Variants in UNC13A observed in about 807,000 individuals in gnomAD.
The protein encoded by UNC13A is unc-13 homolog A, also known as protein unc-13 homolog A.
A neutral mutation model predicts 219.7 loss-of-function variants in UNC13A; 61 were observed. That is an observed-to-expected ratio of 0.28 (90% CI 0.23 to 0.34). The LOEUF is 0.34. Among genes scored for constraint, UNC13A ranks in the 10% least tolerant of loss-of-function variants. UNC13A has a pLI of 1.00. For missense variants in UNC13A, 1,476 were observed against 2,270.3 expected (o/e 0.65, Z 7.11); for synonymous variants, 920 against 884.6 (o/e 1.04, Z -0.71).
At chr19:17,658,319 A>C in intron 8 of UNC13A, 50 bp from the exon 9 acceptor site, 1 of 1,540,500 alleles carries the variant, frequency 6.5e-7, no homozygotes, top group Non-Finnish European at 8.9e-7. Context: ...GAGAGTGCAC[A>C]TGATGGGAGC....
intron 43 of UNC13A, among the ~76,000 whole-genome samples, chr19:17,607,926 C>T (rs539594847): frequency 1.4e-5 from 2 of 144,048 alleles, no homozygotes; most frequent in East Asian, 4.1e-4. Flanking sequence ...GTCGCCCAGG[C>T]TGGAGTGCCG....
At chr19:17,676,128 C>T (rs1248841729) in intron 1 of UNC13A, 87 bp from the exon 2 acceptor site, 17 of 1,350,616 alleles carry the variant, frequency 1.3e-5, no homozygotes, top group Non-Finnish European at 1.7e-5. Context: ...CAGAGACACA[C>T]CAAGATGGAG....
At position 17,626,689 on chromosome 19, in the gene UNC13A, G is replaced by A. The variant is rs373074850; in HGVS notation, c.4017C>T (p.Ser1339=). 2,216 of 1,596,118 alleles carry A rather than the reference G, an allele frequency of 1.4e-3. 55 individuals are homozygous for A. The South Asian group carries it at 0.024, about 17-fold the overall frequency. Reference sequence around the variant, plus strand: ...ACACATTGTCCGCGTCCTGGGCCACGCTGCTGCAGGCACTGGCTGGCACAT... The same window carrying A: ...ACACATTGTCCGCGTCCTGGGCCACACTGCTGCAGGCACTGGCTGGCACAT... ...TGNVPASACS[S]VAQDADNVLQ... is the part of the protein sequence containing the mutation. Residue 1339 remains serine, a synonymous_variant, in exon 34 of 44, where the codon AGC becomes AGT. Coordinates refer to ENST00000519716, the MANE Select transcript of UNC13A (RefSeq NM_001080421.3).
intron 4 of UNC13A, among the ~76,000 whole-genome samples, chr19:17,670,917 A>ATAAAATAAAATAAAATAAAAT (rs1363130555): frequency 6.5e-4 from 49 of 75,962 alleles, no homozygotes; most frequent in African/African-American, 2.5e-3. Flanking sequence ...GTAAAATAAA[A>ATAAAATAAAATAAAATAAAAT]TAAAATAAAA....
At position 17,656,485 on chromosome 19, in the gene UNC13A, G is replaced by A. The variant is rs904310217; in HGVS notation, c.768-87C>T. 2.4e-5 allele frequency: 31 copies of A among 1,299,200 alleles called. No individual in the cohort carries two copies. The African/African-American group carries it at 3.6e-4, about 15-fold the overall frequency. The allele number at this position is 1,299,200 out of a possible 1,614,324, so 80.5% of individuals were successfully genotyped here. On this transcript the variant is annotated intron_variant, in intron 9 of 43. Coordinates refer to ENST00000519716, the MANE Select transcript of UNC13A (RefSeq NM_001080421.3). ...GTCACACAGGCATTGACTCATCACCGACTGAGCACCTACGATGTGCCAGGT... is the reference window on the plus strand; with the variant it reads ...GTCACACAGGCATTGACTCATCACCAACTGAGCACCTACGATGTGCCAGGT...
chr19:17,685,318 G>GC, intron 1 of UNC13A, among the ~76,000 whole-genome samples: 1 of 152,128 alleles, frequency 6.6e-6, no homozygotes, highest in Admixed American at 6.5e-5. Flanking sequence ...AGCCTCCCGA[G>GC]TAGCTGAGAC....
chr19:17,627,998 C>A lies in UNC13A; in HGVS notation c.3754-58G>T, dbSNP rs2076801757. On this transcript the variant is annotated intron_variant, in intron 31 of 43. Transcript: ENST00000519716. The surrounding 1 kb of genome is among the most constrained non-coding windows in gnomAD (Gnocchi z 4.7). ...TCAGGACCTCTCCCCAGAGCCTCCC[C>A]TACCCACCGCCAGGGACCTTGGGAT... is the stretch of plus-strand genomic sequence containing the variant. 9 of 1,504,128 alleles carry A rather than the reference C, an allele frequency of 6.0e-6. No individual in the cohort carries two copies. Among genetic ancestry groups the A allele is most frequent in the Non-Finnish European group, 8.2e-6 (9 of 1,101,022 alleles). The allele number at this position is 1,504,128 out of a possible 1,614,324, so 93.2% of individuals were successfully genotyped here. A position where few individuals can be genotyped will look rare whatever the true frequency, so the allele number is the denominator to read the frequency against.
chr19:17,639,373 C>G, intron 24 of UNC13A, 63 bp downstream of exon 24: 1 of 1,578,344 alleles, frequency 6.3e-7, no homozygotes. Context: ...GTCACTTGTC[C>G]TGGGAGCTGG....
At chr19:17,643,980 A>G (rs904434077) in intron 19 of UNC13A, among the ~76,000 whole-genome samples, 1 of 151,956 alleles carries the variant, frequency 6.6e-6, no homozygotes, top group East Asian at 1.9e-4. Context: ...ATGTCCTCCA[A>G]TCTAAGAGGT....
chr19:17,617,841 G>A lies in UNC13A; in HGVS notation c.4419C>T (p.Phe1473=). The A allele has an allele frequency of 6.2e-7, 1 of 1,613,870 alleles. No individual in the cohort carries two copies. The change falls in exon 41 of 44, where the codon TTC becomes TTT. Residue 1473 remains phenylalanine (F), a synonymous_variant. Coordinates refer to ENST00000519716, the MANE Select transcript of UNC13A (RefSeq NM_001080421.3). ...TCTTGAGGCCCACGCCACCCGCGTG[G>A]AAATATTGCTGGGGAGGACAGGGTG... ...ELALDTIKQY[F]HAGGVGLKKT...
chr19:17,681,768 G>T (rs1439047535), intron 1 of UNC13A, among the ~76,000 whole-genome samples: 1 of 152,144 alleles, frequency 6.6e-6, no homozygotes, highest in Non-Finnish European at 1.5e-5. Context: ...TGTCCACGGT[G>T]CTGAATGCTC....
chr19:17,629,375 C>CTTA, intron 30 of UNC13A, 52 bp from the exon 31 acceptor site: 1 of 1,517,570 alleles, frequency 6.6e-7, no homozygotes, highest in Non-Finnish European at 9.0e-7. Flanking sequence ...CCAAGGCAGG[C>CTTA]GCCAGTCGTC....
intron 37 of UNC13A, among the ~76,000 whole-genome samples, chr19:17,620,964 G>A (rs1436285635): frequency 1.3e-5 from 2 of 152,088 alleles, no homozygotes; most frequent in Non-Finnish European, 2.9e-5. Context: ...GCTGGAAGCA[G>A]CCTCATCCCA....
In UNC13A at chr19:17,630,683, C is replaced by T. The variant is rs2076833542; in HGVS notation, c.3496G>A (p.Gly1166Ser). 5 of 1,613,896 alleles carry T rather than the reference C, an allele frequency of 3.1e-6. No homozygotes were observed. Among genetic ancestry groups the T allele is most frequent in the East Asian group, 2.2e-5 (1 of 44,860 alleles). The change falls in exon 29 of 44, where the codon GGT (glycine) becomes AGT (serine). Residue 1166 changes from glycine to serine, a missense_variant. Physicochemically the swap from Gly to Ser is moderately conservative, Grantham distance 56. Coordinates refer to ENST00000519716, the MANE Select transcript of UNC13A (RefSeq NM_001080421.3). ...NEEVSRDFLH[G>S]ALERDKKDGF... The stretch of plus-strand genomic sequence containing the variant: ...TCCTTCTTGTCTCGCTCCAGGGCAC[C>T]GTGCAGGAAATCCCGGGACACCTCC...
At chr19:17,668,227 C>A in intron 5 of UNC13A, 37 bp from the exon 6 acceptor site, 1 of 1,589,108 alleles carries the variant, frequency 6.3e-7, no homozygotes, top group Non-Finnish European at 8.6e-7. Context: ...CTGGAAGACC[C>A]TCCCTGCCGC....
chr19:17,628,307 A>AG, intron 31 of UNC13A: 6 of 221,932 alleles, frequency 2.7e-5, no homozygotes, highest in South Asian at 8.4e-5. Context: ...TGACACACTG[A>AG]AGGCGTGTGC....
chr19:17,616,073 C>T (rs1329351045), intron 41 of UNC13A, among the ~76,000 whole-genome samples: 4 of 152,220 alleles, frequency 2.6e-5, no homozygotes, highest in Non-Finnish European at 4.4e-5. Flanking sequence ...GATTCTTGCC[C>T]AAGGTGCCTA....
intron 39 of UNC13A, 104 bp downstream of exon 39, chr19:17,618,802 G>C: frequency 9.2e-7 from 1 of 1,088,410 alleles, no homozygotes. Context: ...AGCCTGTAAT[G>C]CATGTCATCA....
At chr19:17,630,350 AACTCTCCC>A in intron 29 of UNC13A, 62 bp from the exon 30 acceptor site, 1 of 1,543,384 alleles carries the variant, frequency 6.5e-7, no homozygotes, top group Non-Finnish European at 8.7e-7. Context: ...CCTAGAGCCC[AACTCTCCC>A]ACTCTCCACG....
Sources: gnomAD v4.1 joint callset for allele counts (sites outside exome capture counted in the v4.1 genomes callset) on GRCh38, gnomAD v4.1.1 for gene constraint, Gnocchi (gnomAD v3.1) non-coding constraint, MANE v1.5 for transcripts, NCBI Gene and HGNC (gene_info 2026-07-23, HGNC 2026-07-21) for gene names.